CPA5: variants seen among roughly 807,000 people sequenced by gnomAD.
CPA5 encodes the protein carboxypeptidase A5.
In CPA5, 38 loss-of-function variants were observed where a neutral mutation model predicts 52.2. That is an observed-to-expected ratio of 0.73 (90% CI 0.56 to 0.95). The LOEUF (loss-of-function observed/expected upper bound fraction) is 0.95, where lower values mean the gene tolerates loss of function less well. Among genes scored for constraint, CPA5 ranks in the 40% least tolerant of loss-of-function variants. The pLI is 0.00. For synonymous variants in CPA5, 198 were observed against 213.7 expected (o/e 0.93, Z 0.64); for missense variants, 519 against 566.7 (o/e 0.92, Z 0.86).
chr7:130,357,542 G>T (rs1795547570), intron 5 of CPA5, among the ~76,000 whole-genome samples: 1 of 151,550 alleles, frequency 6.6e-6, no homozygotes, highest in South Asian at 2.1e-4. Context: ...AGAATCGCTT[G>T]AACCTGGGAG....
chr7:130,346,267 C>G, intron 2 of CPA5, 126 bp from the exon 3 acceptor site: 1 of 437,290 alleles, frequency 2.3e-6, no homozygotes, highest in Admixed American at 4.2e-5. Context: ...TCCTCCTTCT[C>G]TCTTCCCTCT....
chr7:130,355,753 T>G (rs1554405064), intron 5 of CPA5, among the ~76,000 whole-genome samples: 1 of 152,214 alleles, frequency 6.6e-6, no homozygotes, highest in Non-Finnish European at 1.5e-5. Context: ...TGTGATAACA[T>G]GACCTCCATT....
chr7:130,368,917 G>A (rs1043793512), downstream of CPA5, among the ~76,000 whole-genome samples: 4 of 152,158 alleles, frequency 2.6e-5, no homozygotes, highest in Admixed American at 6.5e-5. Context: ...TTCAGGGCCC[G>A]GAACACAGAA....
At chr7:130,370,607 C>G (rs1554409807), downstream of CPA5, among the ~76,000 whole-genome samples, 1 of 152,120 alleles carries the variant, frequency 6.6e-6, no homozygotes, top group Non-Finnish European at 1.5e-5. Context: ...GGAGATGTTT[C>G]AAAAGCCATA....
intron 10 of CPA5, among the ~76,000 whole-genome samples, chr7:130,366,539 C>T (rs1005042155): frequency 6.6e-6 from 1 of 152,126 alleles, no homozygotes; most frequent in African/African-American, 2.4e-5. Flanking sequence ...GAATAAAAGC[C>T]CTGCTCCTCT....
chr7:130,373,121 C>T (rs1554410096), downstream of CPA5, among the ~76,000 whole-genome samples: 1 of 152,106 alleles, frequency 6.6e-6, no homozygotes, highest in African/African-American at 2.4e-5. Context: ...GAGATAATGG[C>T]GGGGGTTTAA....
chr7:130,371,776 C>T (rs917390329), downstream of CPA5, among the ~76,000 whole-genome samples: 15 of 152,100 alleles, frequency 9.9e-5, no homozygotes, highest in East Asian at 7.7e-4. Context: ...AGGCTGGTTT[C>T]GAACTCCTGA....
At chr7:130,359,564 C>T in intron 5 of CPA5, 25 bp from the exon 6 acceptor site, 4 of 1,538,852 alleles carry the variant, frequency 2.6e-6, no homozygotes, top group Non-Finnish European at 3.5e-6. Context: ...CCCTTCCTTT[C>T]CAATATGTGT....
chr7:130,363,076 C>T (rs1269467218), intron 9 of CPA5, 82 bp downstream of exon 9: 1 of 801,900 alleles, frequency 1.2e-6, no homozygotes, highest in East Asian at 2.5e-5. Context: ...GGGAACCAGC[C>T]CCTTCAGAGC....
intron 5 of CPA5, among the ~76,000 whole-genome samples, chr7:130,357,425 C>T (rs1584810990): frequency 6.6e-6 from 1 of 152,076 alleles, no homozygotes; most frequent in Non-Finnish European, 1.5e-5. Flanking sequence ...AGTTCAAGAC[C>T]AGCCTGACCA....
At chr7:130,363,847 C>T (rs1795931397) in intron 10 of CPA5, among the ~76,000 whole-genome samples, 1 of 152,140 alleles carries the variant, frequency 6.6e-6, no homozygotes, top group South Asian at 2.1e-4. Flanking sequence ...AGTAGCCTTG[C>T]TTGTTGTTCA....
At chr7:130,365,389 GA>G (rs776099975) in intron 10 of CPA5, among the ~76,000 whole-genome samples, 1 of 151,712 alleles carries the variant, frequency 6.6e-6, no homozygotes, top group South Asian at 2.1e-4. Flanking sequence ...CTCACCACAG[GA>G]AAAAAAATAT....
rs556735150 is a variant in CPA5 at position 130,357,571 on chromosome 7, C to T, written c.334-2018C>T. ...CTGGGAGGCAGAGGTTGCGGTGAGG[C>T]GAGATCACGCCACTGTACTCCAGCC... is the stretch of plus-strand genomic sequence containing the variant. On this transcript the variant is annotated intron_variant, in intron 5 of 12. Coordinates refer to ENST00000474905, the MANE Select transcript of CPA5 (RefSeq NM_080385.5). Among the ~76,000 whole-genome samples, 14 of 149,460 alleles carry T rather than the reference C, an allele frequency of 9.4e-5. No homozygotes were observed. In the South Asian group the frequency reaches 1.5e-3, roughly 16 times the overall value.
In CPA5 at chr7:130,367,475, C is replaced by T. The variant is rs782183428; in HGVS notation, c.942C>T (p.Gly314=). 6.2e-7 allele frequency: 1 copy of T among 1,614,150 alleles called. No individual in the cohort carries two copies. Among genetic ancestry groups the T allele is most frequent in the South Asian group, 1.1e-5 (1 of 91,072 alleles). ...TAGTGAACTTCATCACAGCCCATGG[C>T]AACTTCAAGGCTCTGATCTCCATCC... ...AAIVNFITAH[G]NFKALISIHS... The change falls in exon 11 of 13, where the codon GGC becomes GGT. Residue 314 remains glycine, a synonymous_variant. Coordinates refer to ENST00000474905, the MANE Select transcript of CPA5 (RefSeq NM_080385.5).
At position 130,368,659 on chromosome 7, in the gene CPA5, C is replaced by A; in HGVS notation, c.*62C>A. The A allele has an allele frequency of 1.3e-6, 2 of 1,545,624 alleles. No individual in the cohort carries two copies. The highest frequency in any genetic ancestry group is 1.8e-6 in the Non-Finnish European group (2 of 1,124,324). ...CCAAGGTCTGTGGCTCCTCCCGAAA[C>A]CCAAGTTATGCATCCCCATCCCCAT... is the stretch of plus-strand genomic sequence containing the variant. On this transcript the variant is annotated 3_prime_UTR_variant, in exon 13 of 13. Coordinates refer to ENST00000474905, the MANE Select transcript of CPA5 (RefSeq NM_080385.5).
chr7:130,355,093 T>G (rs1201388132), intron 5 of CPA5, among the ~76,000 whole-genome samples: 1 of 152,034 alleles, frequency 6.6e-6, no homozygotes, highest in Non-Finnish European at 1.5e-5. Flanking sequence ...CCCAGGCCCC[T>G]CTGTTGGGCC....
chr7:130,367,952 G>C lies in CPA5; in HGVS notation c.1085G>C (p.Gly362Ala). The change falls in exon 12 of 13, where the codon GGG becomes GCG. Residue 362 changes from glycine (G) to alanine (A), a missense_variant. Gly to Ala is a moderately conservative substitution (Grantham distance 60). Transcript: ENST00000474905. ...DAVEALYKVH[G>A]IEYIFGSIST... ...GTGGAGGCCTTGTATAAGGTCCATG[G>C]GATCGAGTACATTTTTGGCAGCATC... 1 of 1,614,208 alleles carries C rather than the reference G, an allele frequency of 6.2e-7. No homozygotes were observed. Among genetic ancestry groups the C allele is most frequent in the Non-Finnish European group, 8.5e-7 (1 of 1,180,036 alleles).
At chr7:130,351,171 C>T (rs1237973847) in intron 5 of CPA5, among the ~76,000 whole-genome samples, 1 of 152,204 alleles carries the variant, frequency 6.6e-6, no homozygotes, top group Non-Finnish European at 1.5e-5. Context: ...GTTTCCCGCT[C>T]AACGTGTGGG....
intron 12 of CPA5, 76 bp downstream of exon 12, chr7:130,368,066 T>C: frequency 7.3e-7 from 1 of 1,368,500 alleles, no homozygotes; most frequent in East Asian, 2.3e-5. Flanking sequence ...GCCAAGGATC[T>C]AGCTGTGCTG....
Sources: gnomAD v4.1 joint callset for allele counts (sites outside exome capture counted in the v4.1 genomes callset) on GRCh38, gnomAD v4.1.1 for gene constraint, MANE v1.5 for transcripts, NCBI Gene and HGNC (gene_info 2026-07-23, HGNC 2026-07-21) for gene names.